Variants in TMEM266 observed in about 807,000 individuals in gnomAD.
TMEM266 encodes the protein transmembrane protein 266.
TMEM266 carries 33 observed loss-of-function variants against 50.5 expected under a neutral mutation model. The ratio of observed to expected loss-of-function variants is 0.65; its 90% CI spans 0.50 to 0.87. TMEM266 has a LOEUF of 0.87. Among genes scored for constraint, TMEM266 ranks in the 40% least tolerant of loss-of-function variants. The pLI, the probability that TMEM266 is intolerant of heterozygous loss-of-function variation, is 0.00. For synonymous variants in TMEM266, 310 were observed against 292.3 expected (o/e 1.06, Z -0.62); for missense variants, 655 against 695.1 (o/e 0.94, Z 0.65).
intron 1 of TMEM266, among the ~76,000 whole-genome samples, chr15:76,072,236 C>T (rs1162338983): frequency 6.6e-6 from 1 of 151,694 alleles, no homozygotes; most frequent in African/African-American, 2.4e-5. Context: ...GTCAGGAGTT[C>T]GAGACCAGCC....
intron 4 of TMEM266, 24 bp downstream of exon 4, chr15:76,156,782 T>G: frequency 6.2e-7 from 1 of 1,608,064 alleles, no homozygotes; most frequent in East Asian, 2.2e-5. Flanking sequence ...GAGATACATA[T>G]GCCAATACAT....
rs1432351304 is a variant in TMEM266, at chr15:76,160,593, G to A, written c.456+425G>A. On this transcript the variant is annotated intron_variant, in intron 5 of 10. Transcript: ENST00000388942. This position sits in a 1 kb window ranked among gnomAD's most constrained non-coding sequence, Gnocchi z 5.7. ...TGTGGTCTTGGGCCCACAGTTGGCC[G>A]GACCTTTGGGGCTGAAGCACGCAGT... Among the ~76,000 whole-genome samples, 4 of 152,190 alleles carry A rather than the reference G, an allele frequency of 2.6e-5. No homozygotes were observed. The highest frequency in any genetic ancestry group is 7.2e-5 in the African/African-American group (3 of 41,448).
rs539885940 is a variant in TMEM266, at chr15:76,086,694, G to A, written c.-97+26678G>A. On this transcript the variant is annotated intron_variant, in intron 1 of 10. Coordinates refer to ENST00000388942, the MANE Select transcript of TMEM266 (RefSeq NM_152335.3). ...TGAAGTAGTGGCCCATGATCAGTCC[G>A]ATTGGTTGTGGGAGGGGACTAATCA... 3.3e-5 allele frequency among the ~76,000 whole-genome samples: 5 copies of A among 152,282 alleles called. 1 individual carries two copies. Among genetic ancestry groups the A allele is most frequent in the African/African-American group, 1.2e-4 (5 of 41,552 alleles).
At chr15:76,115,918 T>C (rs2037239442) in intron 1 of TMEM266, among the ~76,000 whole-genome samples, 1 of 152,180 alleles carries the variant, frequency 6.6e-6, no homozygotes, top group South Asian at 2.1e-4. Flanking sequence ...TGTGAGGCAG[T>C]GACAACAGTG....
intron 10 of TMEM266, 138 bp downstream of exon 10, chr15:76,202,402 A>G: frequency 2.6e-6 from 2 of 765,912 alleles, no homozygotes; most frequent in South Asian, 4.2e-5. Context: ...CTCAAGGTTA[A>G]AATATCGGAG....
intron 8 of TMEM266, among the ~76,000 whole-genome samples, chr15:76,187,820 C>A (rs918393068): frequency 1.3e-5 from 2 of 152,214 alleles, no homozygotes; most frequent in African/African-American, 4.8e-5. Flanking sequence ...AGGGCCCAGT[C>A]TGAAGCCAGG....
In TMEM266 at chr15:76,168,262, C is replaced by G. The variant is rs962330746; in HGVS notation, c.457-1554C>G. Among the ~76,000 whole-genome samples the G allele has an allele frequency of 6.6e-6, 1 of 152,236 alleles. No individual in the cohort carries two copies. The highest frequency in any genetic ancestry group is 1.5e-5 in the Non-Finnish European group (1 of 68,044). ...ACTTCGGGCTGCCACATGCTCCTCT[C>G]TCTACTCAGAGAAGGCAACATGACT... On this transcript the variant is annotated intron_variant, in intron 5 of 10. Coordinates refer to ENST00000388942, the MANE Select transcript of TMEM266 (RefSeq NM_152335.3). The surrounding 1 kb of genome is among the most constrained non-coding windows in gnomAD (Gnocchi z 4.4).
chr15:76,138,020 G>C (rs567066195), intron 3 of TMEM266, 125 bp downstream of exon 3: 2 of 918,636 alleles, frequency 2.2e-6, no homozygotes, highest in Middle Eastern at 3.6e-4. Context: ...TTAGGAGTTC[G>C]AGACCAGCCT....
At chr15:76,062,216 A>G (rs184622191) in intron 1 of TMEM266, among the ~76,000 whole-genome samples, 2 of 152,350 alleles carry the variant, frequency 1.3e-5, no homozygotes, top group African/African-American at 2.4e-5. Flanking sequence ...AGAAGGAATT[A>G]TTTGGAAAGT....
At chr15:76,185,495 T>A (rs1309745565) in intron 8 of TMEM266, among the ~76,000 whole-genome samples, 1 of 152,260 alleles carries the variant, frequency 6.6e-6, no homozygotes. Flanking sequence ...AGTCTAACTC[T>A]CTGCTGAAAC....
intron 8 of TMEM266, among the ~76,000 whole-genome samples, chr15:76,181,702 T>C (rs1051570454): frequency 6.6e-6 from 1 of 152,164 alleles, no homozygotes; most frequent in Non-Finnish European, 1.5e-5. Context: ...GCCTTGTCTC[T>C]CTCTCTGTCT....
At chr15:76,158,544 G>A (rs1417845303) in intron 4 of TMEM266, among the ~76,000 whole-genome samples, 1 of 152,148 alleles carries the variant, frequency 6.6e-6, no homozygotes. Context: ...CTGGAATTTT[G>A]CTTAAAATTA....
At chr15:76,079,438 C>T (rs560984370) in intron 1 of TMEM266, among the ~76,000 whole-genome samples, 3 of 145,414 alleles carry the variant, frequency 2.1e-5, no homozygotes, top group Non-Finnish European at 4.5e-5. Flanking sequence ...ATTTAGGGCC[C>T]ACCTTAATCT....
chr15:76,083,863 A>G (rs1170166999), intron 1 of TMEM266, among the ~76,000 whole-genome samples: 3 of 152,214 alleles, frequency 2.0e-5, no homozygotes, highest in Non-Finnish European at 4.4e-5. Context: ...GGAAAAGAGT[A>G]TTCCAAAAGT....
intron 1 of TMEM266, among the ~76,000 whole-genome samples, chr15:76,130,609 C>T (rs184955735): frequency 6.6e-6 from 1 of 152,340 alleles, no homozygotes; most frequent in African/African-American, 2.4e-5. Context: ...TCCTTCTCCT[C>T]GTTATCCTTA....
chr15:76,133,204 C>T lies in TMEM266; in HGVS notation c.-96-964C>T, dbSNP rs191308714. ...ATCCCAGCACTTTGGGAGGCCGAGG[C>T]GGGCGGATCACCTGAGGTTAGTAAT... On this transcript the variant is annotated intron_variant, in intron 1 of 10. Transcript: ENST00000388942. 4.4e-3 allele frequency among the ~76,000 whole-genome samples: 663 copies of T among 152,020 alleles called. 9 individuals carry two copies. Among genetic ancestry groups the T allele is most frequent in the African/African-American group, 0.015 (634 of 41,442 alleles).
Position 76,063,766 on chromosome 15 carries a change from A to G in TMEM266, c.-97+3750A>G, listed in dbSNP as rs139361739. ...GTGAAAAAAGAATCAACAAATCACT[A>G]TGGTATCCTTGAATCTTTCCAGCTT... On this transcript the variant is annotated intron_variant, in intron 1 of 10. Transcript: ENST00000388942. 4.6e-3 allele frequency among the ~76,000 whole-genome samples: 698 copies of G among 152,332 alleles called. 7 individuals carry two copies. The highest frequency in any genetic ancestry group is 0.016 in the African/African-American group (649 of 41,564).
intron 1 of TMEM266, among the ~76,000 whole-genome samples, chr15:76,106,296 C>T (rs1422522783): frequency 6.6e-6 from 1 of 152,220 alleles, no homozygotes; most frequent in Non-Finnish European, 1.5e-5. Flanking sequence ...GTCATATTCA[C>T]AACTGACTTC....
intron 1 of TMEM266, among the ~76,000 whole-genome samples, chr15:76,101,858 C>T (rs1044429761): frequency 2.0e-5 from 3 of 152,194 alleles, no homozygotes; most frequent in Non-Finnish European, 4.4e-5. Context: ...GGTAGATGCT[C>T]GGAGGTGGCT....
Sources: gnomAD v4.1 joint callset for allele counts (sites outside exome capture counted in the v4.1 genomes callset) on GRCh38, gnomAD v4.1.1 for gene constraint, Gnocchi (gnomAD v3.1) non-coding constraint, MANE v1.5 for transcripts, NCBI Gene and HGNC (gene_info 2026-07-23, HGNC 2026-07-21) for gene names.